Variants in RASSF6 observed in about 807,000 individuals in gnomAD.
RASSF6 encodes ras association domain-containing protein 6.
Under a neutral mutation model 44.0 loss-of-function variants are expected in RASSF6, and 52 were observed. That is an observed-to-expected ratio of 1.18 (90% CI 0.95 to 1.49). The LOEUF is 1.49. Among genes scored for constraint, RASSF6 ranks in the 40% most tolerant of loss-of-function variants. The probability of loss-of-function intolerance (pLI) is 0.00; values close to 1 mark genes in which losing one functional copy is unlikely to be tolerated. For missense variants in RASSF6, 464 were observed against 393.3 expected (o/e 1.18, Z -1.52); for synonymous variants, 162 against 124.6 (o/e 1.30, Z -2.00).
Position 73,584,215 on chromosome 4 carries a change from C to T in RASSF6, c.567+965G>A, listed in dbSNP as rs181536594. On this transcript the variant is annotated intron_variant, in intron 6 of 10. Transcript: ENST00000307439. ...CCAAAGACACACTATCGTTACCCCCCAAGGGTAGAAGAAGAAGAAATAAAG... is the reference window on the plus strand; with the variant it reads ...CCAAAGACACACTATCGTTACCCCCTAAGGGTAGAAGAAGAAGAAATAAAG... Among the ~76,000 whole-genome samples, 730 of 152,066 alleles carry T rather than the reference C, an allele frequency of 4.8e-3. 7 individuals carry two copies. Among genetic ancestry groups the T allele is most frequent in the African/African-American group, 0.015 (627 of 41,486 alleles).
In RASSF6 at chr4:73,572,440, T is replaced by A. The variant is rs1454767119; in HGVS notation, c.*3795A>T. 6.6e-6 allele frequency: 1 copy of A among 152,204 alleles called. No homozygotes were observed. The highest frequency in any genetic ancestry group is 2.4e-5 in the African/African-American group (1 of 41,458). The allele number at this position is 152,204 out of a possible 1,614,324, so 9.4% of individuals were successfully genotyped here. A position where few individuals can be genotyped will look rare whatever the true frequency, so the allele number is the denominator to read the frequency against. ...CAAAGAAATTATAAGAGGTTATGGA[T>A]ATGTTAATTAGCTTGATTTAATAAT... On this transcript the variant is annotated 3_prime_UTR_variant, in exon 11 of 11. Transcript: ENST00000307439.
intron 2 of RASSF6, among the ~76,000 whole-genome samples, chr4:73,601,821 C>G (rs188008140): frequency 2.0e-5 from 3 of 152,290 alleles, no homozygotes; most frequent in East Asian, 3.9e-4. Flanking sequence ...ATTAGGGGAA[C>G]AGCAAGGTGA....
chr4:73,593,102 G>C (rs1428840507), intron 4 of RASSF6, among the ~76,000 whole-genome samples: 2 of 148,860 alleles, frequency 1.3e-5, no homozygotes, highest in African/African-American at 2.5e-5. Context: ...TGCAAACTCC[G>C]CCTCCCGGAT....
intron 3 of RASSF6, 67 bp downstream of exon 3, chr4:73,598,573 T>TGTGTGTGTGTGTGTGCACGC (rs1725082722): frequency 6.7e-6 from 5 of 747,758 alleles, no homozygotes; most frequent in Middle Eastern, 2.3e-4. Flanking sequence ...CAGAATTGTG[T>TGTGTGTGTGTGTGTGCACGC]GTGTGTGTGT....
At position 73,590,968 on chromosome 4, in the gene RASSF6, G is replaced by T. The variant is rs148186398; in HGVS notation, c.287+2483C>A. Among the ~76,000 whole-genome samples, 192 of 152,324 alleles carry T rather than the reference G, an allele frequency of 1.3e-3. 1 individual carries two copies. Among genetic ancestry groups the T allele is most frequent in the African/African-American group, 4.4e-3 (184 of 41,578 alleles). ...TCATGAGGATATTATTTTAGAACCT[G>T]TGGCAGTATATGGAGAGGCATATTA... On this transcript the variant is annotated intron_variant, in intron 4 of 10. Coordinates refer to ENST00000307439, the MANE Select transcript of RASSF6 (RefSeq NM_177532.5).
intron 3 of RASSF6, among the ~76,000 whole-genome samples, chr4:73,598,235 C>A (rs955605275): frequency 6.6e-6 from 1 of 152,110 alleles, no homozygotes; most frequent in East Asian, 1.9e-4. Flanking sequence ...CATTTTAAAA[C>A]CCAAATCAAA....
chr4:73,606,471 C>A (rs1016326373), intron 2 of RASSF6, among the ~76,000 whole-genome samples: 1 of 152,120 alleles, frequency 6.6e-6, no homozygotes, highest in South Asian at 2.1e-4. Context: ...GATACTATGC[C>A]GACTACTGGG....
rs181383586 is a variant in RASSF6, at chr4:73,576,051, G to C, written c.*184C>G. ...CTGAAACTAAACTCAAACTCATTTT[G>C]TCCAACTGTGAACCCTAATTAACCT... On this transcript the variant is annotated 3_prime_UTR_variant, in exon 11 of 11. Coordinates refer to ENST00000307439, the MANE Select transcript of RASSF6 (RefSeq NM_177532.5). 6.6e-6 allele frequency: 3 copies of C among 457,090 alleles called. No homozygotes were observed. The highest frequency in any genetic ancestry group is 4.0e-5 in the Admixed American group (1 of 25,156). 28.3% of individuals were successfully genotyped at this position (457,090 alleles called of 1,614,324 possible). A position where few individuals can be genotyped will look rare whatever the true frequency, so the allele number is the denominator to read the frequency against.
chr4:73,582,231 C>T lies in RASSF6; in HGVS notation c.627G>A (p.Met209Ile), dbSNP rs780928803. 4 of 1,597,386 alleles carry T rather than the reference C, an allele frequency of 2.5e-6. No individual in the cohort carries two copies. The South Asian group carries it at 3.4e-5, about 14-fold the overall frequency. Residue 209 changes from methionine (M) to isoleucine (I), a missense_variant, in exon 7 of 11, where the codon ATG (methionine) becomes ATA (isoleucine). Transcript: ENST00000307439. ...SETKVRVNSNMRTEEVIKQLL... is the reference protein window; with the variant it reads ...SETKVRVNSNIRTEEVIKQLL... ...GTTGCTTTATTACTTCTTCAGTTCT[C>T]ATGTTACTGTTTACTCTGACCTTAG...
chr4:73,597,684 C>A (rs1725021923), intron 3 of RASSF6, among the ~76,000 whole-genome samples: 1 of 152,140 alleles, frequency 6.6e-6, no homozygotes, highest in African/African-American at 2.4e-5. Context: ...ATGTTCATTG[C>A]AGCACTATTT....
At chr4:73,600,893 G>T (rs199578670) in intron 2 of RASSF6, among the ~76,000 whole-genome samples, 1 of 152,076 alleles carries the variant, frequency 6.6e-6, no homozygotes, top group Non-Finnish European at 1.5e-5. Context: ...TATACTACTG[G>T]CCAAGAACAT....
At chr4:73,582,349 A>G (rs1043990145) in intron 6 of RASSF6, 59 bp from the exon 7 acceptor site, 7 of 805,000 alleles carry the variant, frequency 8.7e-6, no homozygotes, top group Admixed American at 3.1e-5. Flanking sequence ...GGTATTCAAT[A>G]TCTTGAACAT....
chr4:73,612,317 T>C (rs1208611758), intron 1 of RASSF6, among the ~76,000 whole-genome samples: 1 of 152,158 alleles, frequency 6.6e-6, no homozygotes, highest in Non-Finnish European at 1.5e-5. Context: ...CCTTTATATG[T>C]TCATATAAAT....
chr4:73,618,991 C>T (rs1485723532), intron 1 of RASSF6, among the ~76,000 whole-genome samples: 1 of 152,164 alleles, frequency 6.6e-6, no homozygotes, highest in Non-Finnish European at 1.5e-5. Flanking sequence ...GAGGTAGAGA[C>T]TGACAAAATA....
chr4:73,598,488 G>A (rs1485956563), intron 3 of RASSF6, 152 bp downstream of exon 3: 4 of 489,710 alleles, frequency 8.2e-6, no homozygotes, highest in South Asian at 3.3e-5. Flanking sequence ...TCTCAAAAAT[G>A]CTTAGAAAGT....
intron 1 of RASSF6, among the ~76,000 whole-genome samples, chr4:73,615,503 T>G (rs1726298487): frequency 1.3e-5 from 2 of 152,210 alleles, no homozygotes; most frequent in East Asian, 1.9e-4. Flanking sequence ...GGATGTTCAG[T>G]AATTTTGGTA....
intron 3 of RASSF6, among the ~76,000 whole-genome samples, chr4:73,596,975 G>T (rs914949221): frequency 6.6e-6 from 1 of 152,078 alleles, no homozygotes; most frequent in Admixed American, 6.6e-5. Context: ...AATTATCTCA[G>T]GATGGACTAA....
At position 73,572,588 on chromosome 4, in the gene RASSF6, G is replaced by A. The variant is rs759465439; in HGVS notation, c.*3647C>T. 1 of 152,124 alleles carries A rather than the reference G, an allele frequency of 6.6e-6. No individual in the cohort carries two copies. The allele number at this position is 152,124 out of a possible 1,614,324, so 9.4% of individuals were successfully genotyped here. A position where few individuals can be genotyped will look rare whatever the true frequency, so the allele number is the denominator to read the frequency against. On this transcript the variant is annotated 3_prime_UTR_variant, in exon 11 of 11. Transcript: ENST00000307439. Reference sequence around the variant, plus strand: ...ACTAAGTCCAGCCCATTTTCAGGATGAGGAAGATTAAGCTTCATCTCTTCA... The same window carrying A: ...ACTAAGTCCAGCCCATTTTCAGGATAAGGAAGATTAAGCTTCATCTCTTCA...
Position 73,572,100 on chromosome 4 carries a change from A to G in RASSF6, c.*4135T>C, listed in dbSNP as rs1478465922. On this transcript the variant is annotated 3_prime_UTR_variant, in exon 11 of 11. Coordinates refer to ENST00000307439, the MANE Select transcript of RASSF6 (RefSeq NM_177532.5). ...TCTCTCATGAAATTACGGTCAAGCT[A>G]TTAGACAGGGCTGCAGTCATCTGAA... is the stretch of plus-strand genomic sequence containing the variant. The G allele has an allele frequency of 1.3e-5, 2 of 152,264 alleles. No homozygotes were observed. The highest frequency in any genetic ancestry group is 4.8e-5 in the African/African-American group (2 of 41,546). 9.4% of individuals were successfully genotyped at this position (152,264 alleles called of 1,614,324 possible). A position where few individuals can be genotyped will look rare whatever the true frequency, so the allele number is the denominator to read the frequency against.
Sources: allele counts gnomAD v4.1 joint callset (sites outside exome capture counted in the v4.1 genomes callset), GRCh38; gene constraint gnomAD v4.1.1; transcripts MANE v1.5; gene names NCBI Gene and HGNC (gene_info 2026-07-23, HGNC 2026-07-21).